Variants in SPOCK3 observed in about 807,000 individuals in gnomAD.
SPOCK3 encodes testican-3.
In SPOCK3, 30 loss-of-function variants were observed where a neutral mutation model predicts 56.6. That is an observed-to-expected ratio of 0.53 (90% CI 0.40 to 0.72). The LOEUF is 0.72. SPOCK3 is among the 30% of genes least tolerant of loss of function. The pLI, the probability that SPOCK3 is intolerant of heterozygous loss-of-function variation, is 0.00. For synonymous variants in SPOCK3, 196 were observed against 183.3 expected (o/e 1.07, Z -0.56); for missense variants, 527 against 530.0 (o/e 0.99, Z 0.06).
At chr4:167,213,714 T>C (rs1302146574) in intron 2 of SPOCK3, among the ~76,000 whole-genome samples, 1 of 152,150 alleles carries the variant, frequency 6.6e-6, no homozygotes, top group African/African-American at 2.4e-5. Flanking sequence ...GGCTTCAATA[T>C]AAATACATTC....
intron 2 of SPOCK3, among the ~76,000 whole-genome samples, chr4:167,169,332 C>T (rs1280084221): frequency 6.6e-6 from 1 of 152,160 alleles, no homozygotes; most frequent in Admixed American, 6.5e-5. Flanking sequence ...GGGAGCTGTA[C>T]CCTGCAAAGC....
chr4:167,183,709 T>C (rs552089108), intron 2 of SPOCK3, among the ~76,000 whole-genome samples: 322 of 152,292 alleles, frequency 2.1e-3, no homozygotes, highest in South Asian at 3.7e-3. Flanking sequence ...CCCGGAATAA[T>C]AAAAGCTATC....
At chr4:166,881,986 C>T (rs1733730247) in intron 6 of SPOCK3, among the ~76,000 whole-genome samples, 1 of 152,010 alleles carries the variant, frequency 6.6e-6, no homozygotes, top group African/African-American at 2.4e-5. Context: ...TGTGGTAGAT[C>T]ATATTTTTTA....
At chr4:167,183,260 T>A (rs534204919) in intron 2 of SPOCK3, among the ~76,000 whole-genome samples, 1 of 152,190 alleles carries the variant, frequency 6.6e-6, no homozygotes, top group Admixed American at 6.5e-5. Flanking sequence ...TAATAAATGA[T>A]CATTGTTTTA....
At chr4:167,036,032 T>A (rs1395469887) in intron 3 of SPOCK3, among the ~76,000 whole-genome samples, 3 of 152,216 alleles carry the variant, frequency 2.0e-5, no homozygotes. Flanking sequence ...CAGCTCCCAA[T>A]GAGATAATCC....
At chr4:167,205,430 A>T (rs1411776043) in intron 2 of SPOCK3, among the ~76,000 whole-genome samples, 2 of 49,018 alleles carry the variant, frequency 4.1e-5, no homozygotes, top group Non-Finnish European at 6.9e-5. Flanking sequence ...TATAATATAT[A>T]ATATATAATA....
In SPOCK3 at chr4:166,957,069, C is replaced by A. The variant is rs995624622; in HGVS notation, c.350+43280G>T. On this transcript the variant is annotated intron_variant, in intron 4 of 10. Coordinates refer to ENST00000357545, the MANE Select transcript of SPOCK3 (RefSeq NM_001040159.2). Reference sequence around the variant, plus strand: ...AGGATTTCGAGACCAGCCTGGCCAACATGGTGAAACTCTGTCTCTACGAAA... The same window carrying A: ...AGGATTTCGAGACCAGCCTGGCCAAAATGGTGAAACTCTGTCTCTACGAAA... Among the ~76,000 whole-genome samples the A allele has an allele frequency of 5.9e-5, 9 of 152,238 alleles. No individual in the cohort carries two copies. In the East Asian group the frequency reaches 1.7e-3, roughly 29 times the overall value.
chr4:166,920,335 T>A (rs1351465263), intron 4 of SPOCK3, among the ~76,000 whole-genome samples: 1 of 152,166 alleles, frequency 6.6e-6, no homozygotes, highest in Non-Finnish European at 1.5e-5. Context: ...TCCTGGCTAA[T>A]GAAATCTGAA....
In SPOCK3 at chr4:166,754,270, A is replaced by T. The variant is rs1170383027; in HGVS notation, c.931+238T>A. 2.4e-6 allele frequency: 3 copies of T among 1,232,876 alleles called. No homozygotes were observed. In the Admixed American group the frequency reaches 1.2e-4, roughly 49 times the overall value. 76.4% of individuals were successfully genotyped at this position (1,232,876 alleles called of 1,614,324 possible). A position where few individuals can be genotyped will look rare whatever the true frequency, so the allele number is the denominator to read the frequency against. ...TTGGTGGCTCATAATGGAAACTATA[A>T]TGTAGTGGCATTAATACAAAATATT... On this transcript the variant is annotated intron_variant, in intron 8 of 10. Transcript: ENST00000357545.
intron 3 of SPOCK3, among the ~76,000 whole-genome samples, chr4:167,008,453 G>C (rs1286350257): frequency 6.6e-6 from 1 of 152,008 alleles, no homozygotes; most frequent in South Asian, 2.1e-4. Context: ...TAGAGGATTT[G>C]AATATGTAAG....
intron 3 of SPOCK3, among the ~76,000 whole-genome samples, chr4:167,059,030 C>T (rs937782461): frequency 7.9e-5 from 12 of 152,088 alleles, no homozygotes; most frequent in African/African-American, 2.4e-4. Context: ...AAACGTTAGA[C>T]CTAAAACCAT....
chr4:167,189,184 C>T lies in SPOCK3; in HGVS notation c.189+44801G>A, dbSNP rs917474908. 8.9e-5 allele frequency among the ~76,000 whole-genome samples: 13 copies of T among 145,518 alleles called. 2 individuals carry two copies. The highest frequency in any genetic ancestry group is 1.4e-4 in the Admixed American group (2 of 14,212). ...AGACAAAGGGCAAAAAATAAAAAAC[C>T]TTTACAAATGTTAGCAAATAACACC... On this transcript the variant is annotated intron_variant, in intron 2 of 10. Transcript: ENST00000357545.
intron 6 of SPOCK3, among the ~76,000 whole-genome samples, chr4:166,826,813 T>C (rs1226702902): frequency 3.9e-5 from 6 of 152,114 alleles, no homozygotes; most frequent in African/African-American, 1.4e-4. Flanking sequence ...TGTAGTCATC[T>C]TGTGTTTTAG....
At chr4:166,789,960 G>A (rs1741159411) in intron 7 of SPOCK3, among the ~76,000 whole-genome samples, 1 of 151,984 alleles carries the variant, frequency 6.6e-6, no homozygotes, top group Admixed American at 6.6e-5. Context: ...AGAAATAAAA[G>A]CATAAAAATT....
intron 2 of SPOCK3, among the ~76,000 whole-genome samples, chr4:167,076,513 T>A (rs1245457722): frequency 6.6e-6 from 1 of 151,858 alleles, no homozygotes; most frequent in Non-Finnish European, 1.5e-5. Flanking sequence ...AAAAATTTTA[T>A]AACATAGCTA....
At chr4:166,944,037 C>G (rs1741423516) in intron 4 of SPOCK3, among the ~76,000 whole-genome samples, 1 of 152,090 alleles carries the variant, frequency 6.6e-6, no homozygotes, top group South Asian at 2.1e-4. Flanking sequence ...GTCCCAGCTA[C>G]TCAGGAGGCT....
chr4:167,024,859 A>T (rs1013124868), intron 3 of SPOCK3, among the ~76,000 whole-genome samples: 2 of 152,036 alleles, frequency 1.3e-5, no homozygotes, highest in African/African-American at 4.8e-5. Context: ...AATAAAAAAA[A>T]ATTTTAAAAA....
chr4:167,084,257 G>T (rs1160539509), intron 2 of SPOCK3, among the ~76,000 whole-genome samples: 1 of 152,058 alleles, frequency 6.6e-6, no homozygotes, highest in African/African-American at 2.4e-5. Context: ...GAATATGCTG[G>T]AAATCATAAT....
At chr4:167,115,542 T>A (rs770336442) in intron 2 of SPOCK3, among the ~76,000 whole-genome samples, 16 of 152,042 alleles carry the variant, frequency 1.1e-4, no homozygotes, top group Non-Finnish European at 1.9e-4. Context: ...GTTGAGGTAT[T>A]TTTAAAAGTA....
Sources: gnomAD v4.1 joint callset for allele counts (sites outside exome capture counted in the v4.1 genomes callset) on GRCh38, gnomAD v4.1.1 for gene constraint, MANE v1.5 for transcripts, NCBI Gene and HGNC (gene_info 2026-07-23, HGNC 2026-07-21) for gene names.